Variants in CUEDC1 observed in about 807,000 individuals in gnomAD.
CUEDC1 encodes the protein CUE domain containing 1, also known as CUE domain-containing protein 1.
Under a neutral mutation model 43.7 loss-of-function variants are expected in CUEDC1, and 30 were observed. The observed-to-expected ratio is 0.69, with a 90% confidence interval of 0.51 to 0.93. CUEDC1 has a LOEUF of 0.93. Among genes scored for constraint, CUEDC1 ranks in the 40% least tolerant of loss-of-function variants. CUEDC1 has a pLI of 0.00. For missense variants in CUEDC1, 486 were observed against 549.0 expected, an observed-to-expected ratio of 0.89 and a Z score of 1.15; for synonymous variants, 223 against 223.6, an observed-to-expected ratio of 1.00 and a Z score of 0.02.
chr17:57,886,868 G>C (rs576850717), intron 1 of CUEDC1, among the ~76,000 whole-genome samples: 1 of 147,812 alleles, frequency 6.8e-6, no homozygotes, highest in African/African-American at 2.5e-5. Flanking sequence ...ACCCAGGCTG[G>C]AGTGCAGCGG....
Position 57,871,341 on chromosome 17 carries a change from A to C in CUEDC1, c.813T>G (p.Ser271=). ...RDRLKYESQK[S]KSSSVAVGND... ...TTCCGACAGCCACGCTGCTGGATTT[A>C]GATTTCTGGGATTCGTATTTCAATC... The change falls in exon 6 of 11, where the codon TCT becomes TCG. Residue 271 remains serine (S), a synonymous_variant. Transcript: ENST00000577830. 6.2e-7 allele frequency: 1 copy of C among 1,614,042 alleles called. No homozygotes were observed. The highest frequency in any genetic ancestry group is 8.5e-7 in the Non-Finnish European group (1 of 1,179,982).
Position 57,867,357 on chromosome 17 carries a change from C to T in CUEDC1, c.1093G>A (p.Asp365Asn). 6.4e-7 allele frequency: 1 copy of T among 1,551,954 alleles called. No homozygotes were observed. Among genetic ancestry groups the T allele is most frequent in the Non-Finnish European group, 8.7e-7 (1 of 1,147,072 alleles). The change falls in exon 9 of 11, where the codon GAT (aspartate) becomes AAT (asparagine). Residue 365 changes from aspartate to asparagine, a missense_variant and splice_region_variant. Transcript: ENST00000577830. ...LLDDVEGHAC[D>N]EDFRGRRQEA... The stretch of plus-strand genomic sequence containing the variant: ...GCTTACGACTCCCCTCCAGCCTCAC[C>T]ACACGCGTGGCCCTCCACATCATCC...
chr17:57,898,071 C>T (rs995263286), intron 1 of CUEDC1, among the ~76,000 whole-genome samples: 1 of 152,178 alleles, frequency 6.6e-6, no homozygotes, highest in Non-Finnish European at 1.5e-5. Flanking sequence ...CCCAGAGCCT[C>T]CAGGGCTTTA....
intron 1 of CUEDC1, among the ~76,000 whole-genome samples, chr17:57,943,005 G>T (rs903671038): frequency 6.6e-6 from 1 of 151,112 alleles, no homozygotes; most frequent in African/African-American, 2.4e-5. Flanking sequence ...TCCAGCCTGG[G>T]TGACGGAGTG....
intron 5 of CUEDC1, 97 bp from the exon 6 acceptor site, chr17:57,871,466 C>A: frequency 1.1e-6 from 1 of 949,330 alleles, no homozygotes; most frequent in Non-Finnish European, 1.7e-6. Context: ...AGGCTAAGTC[C>A]CCAGAATCAC....
intron 1 of CUEDC1, among the ~76,000 whole-genome samples, chr17:57,899,722 C>T (rs992449402): frequency 6.6e-6 from 1 of 152,176 alleles, no homozygotes; most frequent in African/African-American, 2.4e-5. Context: ...ACAGACAACA[C>T]TTTAGGATTT....
At chr17:57,866,329 A>T in intron 10 of CUEDC1, 145 bp downstream of exon 10, 1 of 654,234 alleles carries the variant, frequency 1.5e-6, no homozygotes, top group Non-Finnish European at 2.7e-6. Flanking sequence ...TCCCTGCCGC[A>T]ACTATGAGGG....
At chr17:57,905,197 G>A (rs897532355) in intron 1 of CUEDC1, among the ~76,000 whole-genome samples, 2 of 150,814 alleles carry the variant, frequency 1.3e-5, no homozygotes, top group African/African-American at 4.9e-5. Flanking sequence ...ACTGCCACCC[G>A]GTACCACTAG....
At chr17:57,944,565 A>C (rs1274406055) in intron 1 of CUEDC1, among the ~76,000 whole-genome samples, 5 of 152,212 alleles carry the variant, frequency 3.3e-5, no homozygotes, top group African/African-American at 1.2e-4. Flanking sequence ...TATTCTTACC[A>C]GCTCTATTTA....
chr17:57,882,544 C>T (rs2074224947), intron 2 of CUEDC1, among the ~76,000 whole-genome samples: 1 of 152,136 alleles, frequency 6.6e-6, no homozygotes, highest in African/African-American at 2.4e-5. Flanking sequence ...AGAGAGCTTT[C>T]CTTCCAGTTC....
chr17:57,866,677 G>C (rs1490948099), intron 9 of CUEDC1, 133 bp from the exon 10 acceptor site: 3 of 784,942 alleles, frequency 3.8e-6, no homozygotes, highest in Non-Finnish European at 6.3e-6. Context: ...GATCCCCCCA[G>C]GTAGACGATG....
rs73315817 is a variant in CUEDC1, at chr17:57,941,641, G to T, written c.-316+13584C>A. 4.0e-3 allele frequency among the ~76,000 whole-genome samples: 606 copies of T among 152,322 alleles called. 4 individuals carry two copies. The highest frequency in any genetic ancestry group is 0.014 in the African/African-American group (587 of 41,568). ...TGTTTGACATTTTTCACAGTAAAAGGTTAAAACCAAAACCAAATAAACACC... is the reference window on the plus strand; with the variant it reads ...TGTTTGACATTTTTCACAGTAAAAGTTTAAAACCAAAACCAAATAAACACC... On this transcript the variant is annotated intron_variant, in intron 1 of 10. Coordinates refer to ENST00000577830, the MANE Select transcript of CUEDC1 (RefSeq NM_001271875.2).
intron 1 of CUEDC1, among the ~76,000 whole-genome samples, chr17:57,931,822 G>A (rs2074806545): frequency 6.6e-6 from 1 of 152,098 alleles, no homozygotes; most frequent in Non-Finnish European, 1.5e-5. Flanking sequence ...GGATTGCAGA[G>A]GACTCCCGTG....
intron 1 of CUEDC1, among the ~76,000 whole-genome samples, chr17:57,894,160 AG>A (rs1435722949): frequency 6.6e-6 from 1 of 152,228 alleles, no homozygotes; most frequent in Non-Finnish European, 1.5e-5. Flanking sequence ...GCCAGGAAGA[AG>A]CCCCACTGCC....
At chr17:57,907,414 T>A (rs2074540154) in intron 1 of CUEDC1, among the ~76,000 whole-genome samples, 1 of 152,036 alleles carries the variant, frequency 6.6e-6, no homozygotes, top group Admixed American at 6.6e-5. Context: ...TCAGTCAGGC[T>A]GGATCATTCA....
chr17:57,952,964 T>G (rs1163831594), intron 1 of CUEDC1, among the ~76,000 whole-genome samples: 1 of 152,050 alleles, frequency 6.6e-6, no homozygotes, highest in East Asian at 1.9e-4. Context: ...AGGCCAGGCC[T>G]CCTCTGGCCT....
At chr17:57,873,540 G>A (rs747058271) in intron 4 of CUEDC1, 51 bp downstream of exon 4, 2 of 1,495,116 alleles carry the variant, frequency 1.3e-6, no homozygotes, top group Admixed American at 2.2e-5. Context: ...TGGGCAAAGA[G>A]AGATGCTGGA....
chr17:57,869,092 G>C (rs2074000137), intron 7 of CUEDC1, 30 bp downstream of exon 7: 4 of 1,611,246 alleles, frequency 2.5e-6, no homozygotes, highest in Non-Finnish European at 3.4e-6. Context: ...GAAAAGCTGG[G>C]GAGGGAAGCG....
chr17:57,948,423 C>T (rs1357751250), intron 1 of CUEDC1, among the ~76,000 whole-genome samples: 1 of 152,140 alleles, frequency 6.6e-6, no homozygotes, highest in African/African-American at 2.4e-5. Flanking sequence ...GGTCACCTGG[C>T]CCAGAGCTGT....
Sources: gnomAD v4.1 joint callset for allele counts (sites outside exome capture counted in the v4.1 genomes callset) on GRCh38, gnomAD v4.1.1 for gene constraint, MANE v1.5 for transcripts, NCBI Gene and HGNC (gene_info 2026-07-23, HGNC 2026-07-21) for gene names.